The following ZNF782 variants were observed in gnomAD, a reference collection of about 807,000 sequenced individuals.
ZNF782 encodes the protein zinc finger protein 782.
In ZNF782, 12 loss-of-function variants were observed where a neutral mutation model predicts 13.0. The observed-to-expected ratio is 0.92, with a 90% CI of 0.59 to 1.50. ZNF782 has a LOEUF of 1.50. Ranked by LOEUF, ZNF782 falls within the 40% of genes most tolerant of loss-of-function variation. The probability of loss-of-function intolerance (pLI) is 0.00; values close to 1 mark genes in which losing one functional copy is unlikely to be tolerated. For missense variants in ZNF782, 770 were observed against 822.9 expected (o/e 0.94, Z 0.79); for synonymous variants, 284 against 283.0 (o/e 1.00, Z -0.04).
At chr9:96,930,892 T>TG in the ZNF782 span, among the ~76,000 whole-genome samples, 1 of 82,180 alleles carries the variant, frequency 1.2e-5, no homozygotes, top group African/African-American at 7.4e-5. Context: ...TTTTTTTTTT[T>TG]TTTTTTTTTT....
chr9:96,882,848 A>C, the ZNF782 span, among the ~76,000 whole-genome samples: 4 of 152,184 alleles, frequency 2.6e-5, no homozygotes, highest in Admixed American at 2.6e-4. Context: ...GTTTTTCTTC[A>C]CCTTAATTAT....
intron 4 of ZNF782, among the ~76,000 whole-genome samples, chr9:96,842,853 A>G (rs1392094015): frequency 6.6e-6 from 1 of 152,144 alleles, no homozygotes; most frequent in African/African-American, 2.4e-5. Context: ...GTCAATGGTA[A>G]AACACACAAA....
At chr9:96,848,216 T>G (rs1320863492) in intron 3 of ZNF782, among the ~76,000 whole-genome samples, 3 of 152,086 alleles carry the variant, frequency 2.0e-5, no homozygotes, top group Non-Finnish European at 4.4e-5. Context: ...CCATATTGAA[T>G]GGGGAAAGTT....
the ZNF782 span, among the ~76,000 whole-genome samples, chr9:96,927,359 A>G: frequency 6.6e-6 from 1 of 151,880 alleles, no homozygotes; most frequent in Admixed American, 6.6e-5. Context: ...TTATGTTAGG[A>G]AAGAAAAAGA....
chr9:96,883,847 T>C, the ZNF782 span, among the ~76,000 whole-genome samples: 2 of 152,100 alleles, frequency 1.3e-5, no homozygotes, highest in Admixed American at 6.5e-5. Flanking sequence ...GGGTGATGAG[T>C]TCTCTGTTTC....
chr9:96,880,999 GTCT>G, the ZNF782 span, among the ~76,000 whole-genome samples: 6 of 151,956 alleles, frequency 3.9e-5, no homozygotes, highest in African/African-American at 7.3e-5. Flanking sequence ...TAGTTGGTGA[GTCT>G]TCTTCGTGTT....
In ZNF782 at chr9:96,874,521, C is replaced by T. The variant is rs76861498; in HGVS notation, c.-457+947G>A. The stretch of plus-strand genomic sequence containing the variant: ...TCTCCTTTGAAGTGGCCTCCTGTCT[C>T]CCCTTGGTCTTCTCAAAGCTGGTCC... On this transcript the variant is annotated intron_variant, in intron 1 of 5. Coordinates refer to the ZNF782 transcript ENST00000498811. 9.2e-3 allele frequency among the ~76,000 whole-genome samples: 1,406 copies of T among 152,268 alleles called. 53 individuals carry two copies. The East Asian group carries it at 0.1, about 11-fold the overall frequency.
At chr9:96,897,571 G>T in the ZNF782 span, among the ~76,000 whole-genome samples, 9 of 151,492 alleles carry the variant, frequency 5.9e-5, no homozygotes, top group Admixed American at 5.9e-4. Flanking sequence ...ATATAAATCA[G>T]AAGTCCCTGA....
chr9:96,875,408 A>G, intron 1 of ZNF782: 1 of 453,648 alleles, frequency 2.2e-6, no homozygotes, highest in Non-Finnish European at 4.4e-6. Flanking sequence ...GCAGGCATTA[A>G]CACCCTCATT....
chr9:96,869,903 AAACT>A (rs1219930772), intron 1 of ZNF782, among the ~76,000 whole-genome samples: 3 of 152,192 alleles, frequency 2.0e-5, no homozygotes, highest in Non-Finnish European at 4.4e-5. Context: ...ATACATTCAT[AAACT>A]AACTTTTGCA....
chr9:96,876,943 C>CAAAAAAAAAAAAAAAAAAAAAAAAAAAAA (rs398011569), upstream of ZNF782, among the ~76,000 whole-genome samples: 10 of 42,818 alleles, frequency 2.3e-4, no homozygotes, highest in African/African-American at 6.0e-4. Context: ...AACTCCGACT[C>CAAAAAAAAAAAAAAAAAAAAAAAAAAAAA]AAAAAAAAAA....
the ZNF782 span, among the ~76,000 whole-genome samples, chr9:96,931,256 G>T: frequency 6.6e-6 from 1 of 151,458 alleles, no homozygotes; most frequent in African/African-American, 2.4e-5. Context: ...TCAGGGAAAG[G>T]AAGACTGAAG....
chr9:96,894,718 T>C, the ZNF782 span: 2 of 152,194 alleles, frequency 1.3e-5, no homozygotes, highest in Middle Eastern at 3.4e-3. Flanking sequence ...GAGGACATGC[T>C]TTCTTTTTCT....
intron 1 of ZNF782, among the ~76,000 whole-genome samples, chr9:96,864,697 G>A (rs1489984551): frequency 6.6e-6 from 1 of 151,948 alleles, no homozygotes. Flanking sequence ...AGGAATTACT[G>A]TGAAAGTGGT....
chr9:96,841,065 C>G (rs1851174869), intron 4 of ZNF782, among the ~76,000 whole-genome samples: 1 of 151,750 alleles, frequency 6.6e-6, no homozygotes, highest in South Asian at 2.1e-4. Flanking sequence ...AAGAATAAAA[C>G]AGGTCTATAA....
At chr9:96,906,612 AG>A in the ZNF782 span, among the ~76,000 whole-genome samples, 3 of 152,214 alleles carry the variant, frequency 2.0e-5, no homozygotes, top group African/African-American at 7.2e-5. Flanking sequence ...AAAGATGCCT[AG>A]GGTAAGAGAT....
chr9:96,857,652 T>A (rs1851660449), upstream of ZNF782, among the ~76,000 whole-genome samples: 1 of 152,132 alleles, frequency 6.6e-6, no homozygotes, highest in African/African-American at 2.4e-5. Context: ...TTGCAGGGAG[T>A]GTGAAAAACT....
intron 4 of ZNF782, among the ~76,000 whole-genome samples, chr9:96,840,542 C>T (rs1234962147): frequency 6.6e-6 from 1 of 151,950 alleles, no homozygotes; most frequent in Admixed American, 6.6e-5. Flanking sequence ...TCAAATCACC[C>T]TATGAAAATT....
chr9:96,930,539 G>GA, the ZNF782 span, among the ~76,000 whole-genome samples: 6 of 137,948 alleles, frequency 4.3e-5, no homozygotes, highest in African/African-American at 2.8e-5. Context: ...AAAAAAAAAA[G>GA]AAAAAAAAGA....
Sources: gnomAD v4.1 joint callset for allele counts (sites outside exome capture counted in the v4.1 genomes callset) on GRCh38, gnomAD v4.1.1 for gene constraint, MANE v1.5 for transcripts, NCBI Gene and HGNC (gene_info 2026-07-23, HGNC 2026-07-21) for gene names.